Variants in RPH3A observed in about 807,000 individuals in gnomAD.
RPH3A encodes rabphilin-3A.
RPH3A carries 48 observed loss-of-function variants against 102.2 expected under a neutral mutation model. The ratio of observed to expected loss-of-function variants is 0.47; its 90% CI spans 0.37 to 0.60. The LOEUF (loss-of-function observed/expected upper bound fraction) is 0.60. RPH3A is among the 20% of genes least tolerant of loss of function. RPH3A has a pLI of 0.00. For synonymous variants in RPH3A, 310 were observed against 324.3 expected, an observed-to-expected ratio of 0.96 and a Z score of 0.47; for missense variants, 781 against 910.1, an observed-to-expected ratio of 0.86 and a Z score of 1.83.
chr12:112,700,048 G>A (rs1391841175), intron 1 of RPH3A, among the ~76,000 whole-genome samples: 1 of 151,850 alleles, frequency 6.6e-6, no homozygotes, highest in Non-Finnish European at 1.5e-5. Context: ...TGACTTAAAG[G>A]AATAAATCCT....
intron 1 of RPH3A, among the ~76,000 whole-genome samples, chr12:112,694,650 G>GCACACACACACACA (rs71086119): frequency 2.0e-4 from 20 of 98,602 alleles, no homozygotes; most frequent in Non-Finnish European, 4.1e-4. Context: ...GCGCGCACAC[G>GCACACACACACACA]CACACACACA....
At position 112,847,720 on chromosome 12, in the gene RPH3A, C is replaced by T. The variant is rs766719831; in HGVS notation, c.108C>T (p.His36=). The T allele has an allele frequency of 6.2e-7, 1 of 1,614,006 alleles. No homozygotes were observed. Among genetic ancestry groups the T allele is most frequent in the Non-Finnish European group, 8.5e-7 (1 of 1,180,026 alleles). ...KEQLQAGWSV[H]PGGQPDRQRK... ...GGCTCCAGGCAGGCTGGTCCGTCCA[C>T]CCCGGTGGTCAGCCTGACAGGCAGA... is the stretch of plus-strand genomic sequence containing the variant. The change falls in exon 5 of 22, where the codon CAC becomes CAT. Residue 36 remains histidine (H), a synonymous_variant. Coordinates refer to ENST00000389385, the MANE Select transcript of RPH3A (RefSeq NM_001143854.2).
chr12:112,712,802 C>T (rs2040471936), intron 1 of RPH3A, among the ~76,000 whole-genome samples: 1 of 151,922 alleles, frequency 6.6e-6, no homozygotes, highest in Admixed American at 6.6e-5. Context: ...GCCTCAAACT[C>T]CTGGGCTCAT....
chr12:112,713,843 G>A (rs1195403040), intron 1 of RPH3A, among the ~76,000 whole-genome samples: 2 of 152,200 alleles, frequency 1.3e-5, no homozygotes, highest in African/African-American at 4.8e-5. Flanking sequence ...GTTACAGGAG[G>A]GGAAGGAGGC....
At chr12:112,823,765 G>A (rs1046729899) in intron 2 of RPH3A, among the ~76,000 whole-genome samples, 1 of 152,110 alleles carries the variant, frequency 6.6e-6, no homozygotes, top group Non-Finnish European at 1.5e-5. Context: ...GTGAGTGATG[G>A]GAAAGTGGGG....
At chr12:112,871,056 A>G (rs575239705) in intron 10 of RPH3A, among the ~76,000 whole-genome samples, 1 of 152,356 alleles carries the variant, frequency 6.6e-6, no homozygotes, top group Non-Finnish European at 1.5e-5. Context: ...GCCTTAGGTC[A>G]CACAACTGAT....
At chr12:112,729,721 A>G (rs1270322475) in intron 1 of RPH3A, among the ~76,000 whole-genome samples, 1 of 152,228 alleles carries the variant, frequency 6.6e-6, no homozygotes, top group African/African-American at 2.4e-5. Context: ...CCACTGGCTA[A>G]AAAGCCAAAG....
At chr12:112,581,754 G>T (rs1246319425) in intron 1 of RPH3A, among the ~76,000 whole-genome samples, 1 of 147,950 alleles carries the variant, frequency 6.8e-6, no homozygotes, top group Non-Finnish European at 1.5e-5. Context: ...TCTATACCAT[G>T]CCTTGGTTAG....
chr12:112,837,737 C>G, intron 4 of RPH3A: 1 of 455,852 alleles, frequency 2.2e-6, no homozygotes, highest in South Asian at 1.5e-5. Flanking sequence ...ATATGAACAT[C>G]ACCAGAGAGA....
intron 1 of RPH3A, among the ~76,000 whole-genome samples, chr12:112,618,743 G>A (rs751423013): frequency 9.2e-5 from 14 of 151,990 alleles, no homozygotes; most frequent in Non-Finnish European, 1.6e-4. Flanking sequence ...CATGTAAAGC[G>A]AGCCACTCAA....
intron 1 of RPH3A, among the ~76,000 whole-genome samples, chr12:112,783,685 T>C (rs1268820774): frequency 1.3e-5 from 2 of 152,342 alleles, no homozygotes; most frequent in South Asian, 4.1e-4. Flanking sequence ...ATATTATTAT[T>C]AGTATCCTCA....
chr12:112,713,957 G>A (rs1291900613), intron 1 of RPH3A, among the ~76,000 whole-genome samples: 3 of 152,184 alleles, frequency 2.0e-5, no homozygotes, highest in Admixed American at 1.3e-4. Flanking sequence ...CCATGGCCAA[G>A]TTGCCTAATC....
chr12:112,674,481 A>G (rs2040158646), intron 1 of RPH3A, among the ~76,000 whole-genome samples: 1 of 152,158 alleles, frequency 6.6e-6, no homozygotes, highest in African/African-American at 2.4e-5. Flanking sequence ...ACACATAGGT[A>G]TCTGATAATG....
At chr12:112,809,417 G>T (rs1403488349) in intron 2 of RPH3A, among the ~76,000 whole-genome samples, 1 of 152,140 alleles carries the variant, frequency 6.6e-6, no homozygotes, top group Non-Finnish European at 1.5e-5. Flanking sequence ...GTGTGGAGAT[G>T]ACTGTCCCTG....
At chr12:112,794,131 G>A (rs2041181114) in intron 2 of RPH3A, among the ~76,000 whole-genome samples, 1 of 152,140 alleles carries the variant, frequency 6.6e-6, no homozygotes, top group African/African-American at 2.4e-5. Context: ...GGTGCATTGT[G>A]GTGCACCAGG....
chr12:112,877,517 G>A (rs372937639), intron 13 of RPH3A, among the ~76,000 whole-genome samples: 13 of 151,994 alleles, frequency 8.6e-5, no homozygotes, highest in Non-Finnish European at 1.6e-4. Flanking sequence ...GTGAGCTGGA[G>A]AGAGGTAGAA....
chr12:112,585,869 G>A (rs1242571040), intron 1 of RPH3A, among the ~76,000 whole-genome samples: 1 of 152,284 alleles, frequency 6.6e-6, no homozygotes, highest in East Asian at 1.9e-4. Context: ...TAGATAAGTA[G>A]AACTCAAACT....
intron 13 of RPH3A, among the ~76,000 whole-genome samples, chr12:112,878,166 C>T (rs1160451463): frequency 6.6e-6 from 1 of 152,188 alleles, no homozygotes; most frequent in Non-Finnish European, 1.5e-5. Flanking sequence ...GTCCACCCAT[C>T]TTGTCAGCCA....
intron 1 of RPH3A, among the ~76,000 whole-genome samples, chr12:112,766,029 G>A (rs2040886348): frequency 6.6e-6 from 1 of 152,072 alleles, no homozygotes; most frequent in Non-Finnish European, 1.5e-5. Flanking sequence ...TTAGATAGAT[G>A]CCATCTCTCC....
Sources: allele counts gnomAD v4.1 joint callset (sites outside exome capture counted in the v4.1 genomes callset), GRCh38; gene constraint gnomAD v4.1.1; transcripts MANE v1.5; gene names NCBI Gene and HGNC (gene_info 2026-07-23, HGNC 2026-07-21).